DDX4: variants seen among roughly 807,000 people sequenced by gnomAD.
DDX4 encodes DEAD-box helicase 4.
Under a neutral mutation model 100.0 loss-of-function variants are expected in DDX4, and 25 were observed. That is an observed-to-expected ratio of 0.25 (90% confidence interval 0.18 to 0.35). DDX4 has a LOEUF of 0.35. Ranked by LOEUF, DDX4 falls within the 10% of genes least tolerant of loss-of-function variation. The pLI is 1.00. For missense variants in DDX4, 635 were observed against 882.4 expected (o/e 0.72, Z 3.55); for synonymous variants, 259 against 275.7 (o/e 0.94, Z 0.60).
At chr5:55,759,091 A>G (rs1015026136) in intron 3 of DDX4, among the ~76,000 whole-genome samples, 7 of 151,592 alleles carry the variant, frequency 4.6e-5, no homozygotes, top group African/African-American at 1.5e-4. Context: ...CTGTCTTGCT[A>G]TGTTGCCCAG....
chr5:55,739,937 C>T (rs1213911578), intron 2 of DDX4, among the ~76,000 whole-genome samples: 4 of 152,004 alleles, frequency 2.6e-5, no homozygotes, highest in Non-Finnish European at 5.9e-5. Flanking sequence ...GATGAAGTCT[C>T]ACTATATTGC....
At chr5:55,785,699 G>T in intron 12 of DDX4, 30 bp from the exon 13 acceptor site, 1 of 1,591,360 alleles carries the variant, frequency 6.3e-7, no homozygotes, top group Non-Finnish European at 8.6e-7. Context: ...TCTCTGTAAC[G>T]TACATTATGT....
At chr5:55,767,685 G>A (rs1432940535) in intron 6 of DDX4, among the ~76,000 whole-genome samples, 196 bp from the exon 7 acceptor site, 3 of 152,068 alleles carry the variant, frequency 2.0e-5, no homozygotes, top group Non-Finnish European at 4.4e-5. Context: ...AGATACATGA[G>A]ATGATTTGTA....
At chr5:55,758,868 T>TAAA (rs35392036) in intron 3 of DDX4, among the ~76,000 whole-genome samples, 13 of 70,304 alleles carry the variant, frequency 1.8e-4, no homozygotes, top group South Asian at 6.5e-4. Flanking sequence ...TTTGTTTCCT[T>TAAA]AAAAAAAAAA....
chr5:55,809,098 G>A (rs1215192769), intron 18 of DDX4, among the ~76,000 whole-genome samples: 1 of 152,218 alleles, frequency 6.6e-6, no homozygotes, highest in Non-Finnish European at 1.5e-5. Flanking sequence ...GCTCCATGGG[G>A]GTAGGACCCT....
rs543091033 is a variant in DDX4 at position 55,763,263 on chromosome 5, G to A, written c.283+11G>A. 5.2e-6 allele frequency: 8 copies of A among 1,543,162 alleles called. No homozygotes were observed. In the South Asian group the frequency reaches 8.9e-5, roughly 17 times the overall value. On this transcript the variant is annotated intron_variant, in intron 5 of 21. Transcript: ENST00000505374. Reference sequence around the variant, plus strand: ...GTTTTGGAAACAGAGGTAATTACTTGGTTATGATATCTTACAATCAAAACT... The same window carrying A: ...GTTTTGGAAACAGAGGTAATTACTTAGTTATGATATCTTACAATCAAAACT...
chr5:55,750,726 G>GT (rs1383499288), intron 3 of DDX4, among the ~76,000 whole-genome samples: 30 of 152,224 alleles, frequency 2.0e-4, no homozygotes, highest in African/African-American at 7.0e-4. Context: ...ACTGCTCTGT[G>GT]TATGTTTTTA....
chr5:55,812,074 G>C (rs1405150794), intron 18 of DDX4, among the ~76,000 whole-genome samples: 1 of 152,086 alleles, frequency 6.6e-6, no homozygotes, highest in Non-Finnish European at 1.5e-5. Context: ...TTCTTAAAAT[G>C]ATTCTGATTC....
intron 17 of DDX4, 117 bp downstream of exon 17, chr5:55,792,924 A>G (rs1742670679): frequency 3.6e-6 from 2 of 556,366 alleles, no homozygotes; most frequent in East Asian, 4.8e-5. Flanking sequence ...TAATATAGGT[A>G]GTTTAAAAAG....
intron 10 of DDX4, among the ~76,000 whole-genome samples, chr5:55,783,667 ATGGATGGATGAATGGATGGATGAAT>A (rs1742064918): frequency 8.0e-6 from 1 of 125,398 alleles, no homozygotes; most frequent in Non-Finnish European, 1.7e-5. Context: ...GGATGGATGG[ATGGATGGATGAATGGATGGATGAAT>A]GGATGGATGG....
chr5:55,743,845 G>A (rs778670719), intron 2 of DDX4, among the ~76,000 whole-genome samples: 16 of 150,422 alleles, frequency 1.1e-4, no homozygotes, highest in Non-Finnish European at 2.1e-4. Context: ...TCCATAGCTT[G>A]AAGCTTAATA....
At chr5:55,775,367 C>A (rs749083349) in intron 7 of DDX4, among the ~76,000 whole-genome samples, 24 of 152,152 alleles carry the variant, frequency 1.6e-4, no homozygotes, top group African/African-American at 5.8e-4. Flanking sequence ...TATATACTTA[C>A]AAGTTGAGTT....
intron 2 of DDX4, among the ~76,000 whole-genome samples, chr5:55,744,409 GC>G (rs908102166): frequency 6.6e-5 from 10 of 152,070 alleles, no homozygotes; most frequent in Non-Finnish European, 1.5e-4. Context: ...CTGAACTTTT[GC>G]CATAATTAAA....
chr5:55,793,380 T>C (rs1375745485), intron 17 of DDX4, among the ~76,000 whole-genome samples: 2 of 152,178 alleles, frequency 1.3e-5, no homozygotes, highest in East Asian at 1.9e-4. Context: ...GGTCCTATGG[T>C]TCAACATAAG....
At chr5:55,807,100 C>G (rs1156649593) in intron 18 of DDX4, among the ~76,000 whole-genome samples, 6 of 152,062 alleles carry the variant, frequency 3.9e-5, no homozygotes, top group African/African-American at 1.5e-4. Flanking sequence ...CTCTTTTGTT[C>G]TTTTTTGGTT....
chr5:55,746,248 C>A, intron 3 of DDX4, 27 bp downstream of exon 3: 1 of 1,588,042 alleles, frequency 6.3e-7, no homozygotes, highest in South Asian at 1.2e-5. Flanking sequence ...AAAGGTAAAA[C>A]CCTTTTTAGT....
At chr5:55,799,466 C>T (rs575345378) in intron 18 of DDX4, among the ~76,000 whole-genome samples, 1 of 152,278 alleles carries the variant, frequency 6.6e-6, no homozygotes, top group African/African-American at 2.4e-5. Context: ...GCCTCAAGCT[C>T]CCAGGCTCAA....
Position 55,747,712 on chromosome 5 carries a change from T to A in DDX4, c.127+1491T>A, listed in dbSNP as rs533932512. The stretch of plus-strand genomic sequence containing the variant: ...GTCTTCCCAAACTGGAACTCTGTAC[T>A]CATTGAAAAATAACTCCCCATTTCC... On this transcript the variant is annotated intron_variant, in intron 3 of 21. Transcript: ENST00000505374. Among the ~76,000 whole-genome samples, 47 of 152,336 alleles carry A rather than the reference T, an allele frequency of 3.1e-4. 1 individual carries two copies. In the South Asian group the frequency reaches 9.5e-3, roughly 31 times the overall value.
intron 18 of DDX4, among the ~76,000 whole-genome samples, chr5:55,800,964 A>G (rs924995468): frequency 2.0e-5 from 3 of 152,024 alleles, no homozygotes; most frequent in African/African-American, 7.2e-5. Flanking sequence ...TCGGAGTGGC[A>G]TAGCCCAACT....
Sources: gnomAD v4.1 joint callset for allele counts (sites outside exome capture counted in the v4.1 genomes callset) on GRCh38, gnomAD v4.1.1 for gene constraint, MANE v1.5 for transcripts, NCBI Gene and HGNC (gene_info 2026-07-23, HGNC 2026-07-21) for gene names.